MBNL1: variants seen among roughly 807,000 people sequenced by gnomAD.
MBNL1 encodes muscleblind-like protein 1.
MBNL1 carries 8 observed loss-of-function variants against 42.2 expected under a neutral mutation model. The ratio of observed to expected loss-of-function variants is 0.19; its 90% CI spans 0.11 to 0.34. The LOEUF (loss-of-function observed/expected upper bound fraction) is 0.34. Ranked by LOEUF, MBNL1 falls within the 10% of genes least tolerant of loss-of-function variation. The pLI, the probability that MBNL1 is intolerant of heterozygous loss-of-function variation, is 1.00. For synonymous variants in MBNL1, 169 were observed against 173.9 expected (o/e 0.97, Z 0.22); for missense variants, 309 against 495.3 (o/e 0.62, Z 3.57).
Position 152,464,934 on chromosome 3 carries a change from T to C in MBNL1, c.*2568T>C, listed in dbSNP as rs1319531430. The C allele has an allele frequency of 6.6e-6, 1 of 152,614 alleles. No individual in the cohort carries two copies. Among genetic ancestry groups the C allele is most frequent in the Non-Finnish European group, 1.5e-5 (1 of 68,028 alleles). 9.5% of individuals were successfully genotyped at this position (152,614 alleles called of 1,614,324 possible). ...TAATACAATGACAGACTGAGCAAAATTGCTTGCAAAAGTGGCACAGAGTTA... is the reference window on the plus strand; with the variant it reads ...TAATACAATGACAGACTGAGCAAAACTGCTTGCAAAAGTGGCACAGAGTTA... On this transcript the variant is annotated 3_prime_UTR_variant, in exon 10 of 10. Transcript: ENST00000324210.
chr3:152,413,172 A>G lies in MBNL1; in HGVS notation c.175-1769A>G, dbSNP rs560994185. ...AGCTAATAACATGCTCATGATCCCA[A>G]CCTACATCAAGCATGGTGATTTTAT... On this transcript the variant is annotated intron_variant, in intron 2 of 9. Coordinates refer to ENST00000324210, the MANE Select transcript of MBNL1 (RefSeq NM_021038.5). 6.5e-4 allele frequency among the ~76,000 whole-genome samples: 99 copies of G among 152,290 alleles called. 1 individual carries two copies. The highest frequency in any genetic ancestry group is 2.3e-3 in the African/African-American group (95 of 41,564).
rs535648503 is a variant in MBNL1, at chr3:152,391,548, G to A, written c.175-23393G>A. Among the ~76,000 whole-genome samples, 9 of 152,294 alleles carry A rather than the reference G, an allele frequency of 5.9e-5. No individual in the cohort carries two copies. The East Asian group carries it at 1.5e-3, about 26-fold the overall frequency. On this transcript the variant is annotated intron_variant, in intron 2 of 9. Coordinates refer to ENST00000324210, the MANE Select transcript of MBNL1 (RefSeq NM_021038.5). ...TTTCCTGAAAATCACATGGGAAGCAGTATTTCATACAGCTCCAGAAAACTT... is the reference window on the plus strand; with the variant it reads ...TTTCCTGAAAATCACATGGGAAGCAATATTTCATACAGCTCCAGAAAACTT...
chr3:152,447,547 C>A, intron 5 of MBNL1, 73 bp from the exon 6 acceptor site: 2 of 1,244,062 alleles, frequency 1.6e-6, no homozygotes, highest in Non-Finnish European at 2.2e-6. Flanking sequence ...ACAATTTTAG[C>A]CTTCGACTGA....
At chr3:152,370,145 T>G (rs1407077016) in intron 2 of MBNL1, among the ~76,000 whole-genome samples, 1 of 152,176 alleles carries the variant, frequency 6.6e-6, no homozygotes, top group Non-Finnish European at 1.5e-5. Context: ...GAGCGCTTAG[T>G]GCTATAAATT....
At chr3:152,370,755 C>T (rs1299807666) in intron 2 of MBNL1, among the ~76,000 whole-genome samples, 1 of 151,688 alleles carries the variant, frequency 6.6e-6, no homozygotes. Flanking sequence ...TATGTAATGC[C>T]CTTCTTTGTC....
At chr3:152,281,904 A>G (rs2048724552) in intron 1 of MBNL1, among the ~76,000 whole-genome samples, 1 of 152,102 alleles carries the variant, frequency 6.6e-6, no homozygotes. Flanking sequence ...TTTCCGATAA[A>G]CTTTTCTCAC....
chr3:152,324,820 A>G (rs1361546075), intron 2 of MBNL1, among the ~76,000 whole-genome samples: 3 of 152,074 alleles, frequency 2.0e-5, no homozygotes, highest in East Asian at 3.9e-4. Flanking sequence ...AATAGCACGT[A>G]CCTTGGGATT....
At chr3:152,366,467 C>T (rs2096379478) in intron 2 of MBNL1, among the ~76,000 whole-genome samples, 2 of 152,140 alleles carry the variant, frequency 1.3e-5, no homozygotes, top group African/African-American at 2.4e-5. Context: ...ACCCTCAGCA[C>T]TTAATAAGCT....
At position 152,426,155 on chromosome 3, in the gene MBNL1, A is replaced by G. The variant is rs149022185; in HGVS notation, c.346-6562A>G. Among the ~76,000 whole-genome samples, 758 of 143,570 alleles carry G rather than the reference A, an allele frequency of 5.3e-3. 6 individuals carry two copies. The highest frequency in any genetic ancestry group is 0.019 in the African/African-American group (724 of 37,940). 94.2% of individuals were successfully genotyped at this position (143,570 alleles called of 152,430 possible). ...TAAGTGGGAGTTGAGCAATGAGAAC[A>G]TGTGGGCACGGGGGGGGAACATCAC... On this transcript the variant is annotated intron_variant, in intron 3 of 9. Coordinates refer to ENST00000324210, the MANE Select transcript of MBNL1 (RefSeq NM_021038.5).
At chr3:152,254,735 A>C (rs964681609) in intron 2 of MBNL1, among the ~76,000 whole-genome samples, 4 of 152,142 alleles carry the variant, frequency 2.6e-5, no homozygotes, top group Non-Finnish European at 5.9e-5. Context: ...AATGATGATA[A>C]TTGCAAAGTT....
At chr3:152,421,564 C>T (rs1232566144) in intron 3 of MBNL1, among the ~76,000 whole-genome samples, 1 of 152,158 alleles carries the variant, frequency 6.6e-6, no homozygotes, top group Non-Finnish European at 1.5e-5. Flanking sequence ...AAACTGGGTG[C>T]AGAAAATTCA....
intron 2 of MBNL1, among the ~76,000 whole-genome samples, chr3:152,374,287 G>A (rs2096802796): frequency 6.6e-6 from 1 of 152,116 alleles, no homozygotes; most frequent in African/African-American, 2.4e-5. Flanking sequence ...ATTTTTGTGG[G>A]AGGTCAGAGT....
At chr3:152,374,817 T>C (rs2096829230) in intron 2 of MBNL1, among the ~76,000 whole-genome samples, 1 of 152,164 alleles carries the variant, frequency 6.6e-6, no homozygotes, top group Non-Finnish European at 1.5e-5. Context: ...GGCAAATCCT[T>C]TGTGTTCTCA....
At chr3:152,313,970 A>C (rs1275839365) in intron 2 of MBNL1, among the ~76,000 whole-genome samples, 1 of 152,232 alleles carries the variant, frequency 6.6e-6, no homozygotes, top group Non-Finnish European at 1.5e-5. Flanking sequence ...TAGCAAATCT[A>C]AATTCATTTA....
Position 152,277,568 on chromosome 3 carries a change from A to C in MBNL1, c.-790+8476A>C, listed in dbSNP as rs77748992. Among the ~76,000 whole-genome samples the C allele has an allele frequency of 3.0e-3, 443 of 149,006 alleles. 3 individuals are homozygous for C. The highest frequency in any genetic ancestry group is 0.01 in the African/African-American group (417 of 40,386). Reference sequence around the variant, plus strand: ...CACTATTATAAACAGAATGATTTACATACAGGAATCAATAAACAGTTGCTT... The same window carrying C: ...CACTATTATAAACAGAATGATTTACCTACAGGAATCAATAAACAGTTGCTT... On this transcript the variant is annotated intron_variant, in intron 1 of 9. Transcript: ENST00000324210.
At chr3:152,371,869 C>T (rs1274094518) in intron 2 of MBNL1, among the ~76,000 whole-genome samples, 2 of 152,152 alleles carry the variant, frequency 1.3e-5, no homozygotes, top group Non-Finnish European at 2.9e-5. Context: ...TGGGGAAGTT[C>T]TCCTGGATAA....
At chr3:152,280,366 AT>A in intron 1 of MBNL1, among the ~76,000 whole-genome samples, 1 of 152,318 alleles carries the variant, frequency 6.6e-6, no homozygotes, top group Non-Finnish European at 1.5e-5. Flanking sequence ...AAATCAACTC[AT>A]AATTTATTAA....
At chr3:152,361,055 C>A (rs1300500008) in intron 2 of MBNL1, among the ~76,000 whole-genome samples, 1 of 151,958 alleles carries the variant, frequency 6.6e-6, no homozygotes, top group Non-Finnish European at 1.5e-5. Context: ...ATAATTATGA[C>A]CAGATCAGAT....
upstream of MBNL1, chr3:152,265,797 C>G (rs2037136071): frequency 6.6e-6 from 1 of 152,070 alleles, no homozygotes; most frequent in Admixed American, 6.5e-5. Context: ...CATAAATGAC[C>G]TTCTTTTTAT....
Sources: allele counts gnomAD v4.1 joint callset (sites outside exome capture counted in the v4.1 genomes callset), GRCh38; gene constraint gnomAD v4.1.1; transcripts MANE v1.5; gene names NCBI Gene and HGNC (gene_info 2026-07-23, HGNC 2026-07-21).